The following EPS8 variants were observed in gnomAD, a reference collection of about 807,000 sequenced individuals.
EPS8 encodes the protein EGFR pathway substrate 8, signaling adaptor, also known as epidermal growth factor receptor kinase substrate 8.
A neutral mutation model predicts 103.8 loss-of-function variants in EPS8; 42 were observed. The ratio of observed to expected loss-of-function variants is 0.40; its 90% confidence interval spans 0.32 to 0.52. The LOEUF is 0.52. Ranked by LOEUF, EPS8 falls within the 20% of genes least tolerant of loss-of-function variation. EPS8 has a pLI of 0.40. For synonymous variants in EPS8, 344 were observed against 344.6 expected (o/e 1.00, Z 0.02); for missense variants, 969 against 1,005.1 (o/e 0.96, Z 0.49).
rs977972057 is a variant in EPS8 at position 15,696,539 on chromosome 12, G to A, written c.-21-13567C>T. Among the ~76,000 whole-genome samples, 5 of 152,094 alleles carry A rather than the reference G, an allele frequency of 3.3e-5. No individual in the cohort carries two copies. The highest frequency in any genetic ancestry group is 1.2e-4 in the African/African-American group (5 of 41,420). ...ACCTGTAATCCCAGCTACTCGGGAG[G>A]CTAAGGCAGAAGAATTGCTTGAACC... On this transcript the variant is annotated intron_variant, in intron 1 of 20. Coordinates refer to ENST00000281172, the MANE Select transcript of EPS8 (RefSeq NM_004447.6). The surrounding 1 kb of genome is among the most constrained non-coding windows in gnomAD (Gnocchi z 4.8).
chr12:15,637,855 C>A (rs1945163499), intron 17 of EPS8, among the ~76,000 whole-genome samples: 1 of 152,162 alleles, frequency 6.6e-6, no homozygotes, highest in South Asian at 2.1e-4. Context: ...GGCAGATGAC[C>A]TGTGGACTCA....
rs1411944800 is a variant in EPS8, at chr12:15,769,742, G to C, written c.-22+19419C>G. On this transcript the variant is annotated intron_variant, in intron 1 of 20. Transcript: ENST00000281172. The surrounding 1 kb of genome is among the most constrained non-coding windows in gnomAD (Gnocchi z 4.6). ...ATTTTCAGTCTTTTGTCTAACACTAGCATTCACGAGAATCTGATCACAGAG... is the reference window on the plus strand; with the variant it reads ...ATTTTCAGTCTTTTGTCTAACACTACCATTCACGAGAATCTGATCACAGAG... 6.6e-6 allele frequency among the ~76,000 whole-genome samples: 1 copy of C among 152,006 alleles called. No individual in the cohort carries two copies. The highest frequency in any genetic ancestry group is 1.5e-5 in the Non-Finnish European group (1 of 68,014).
chr12:15,732,788 G>A (rs1402264225), intron 1 of EPS8: 23 of 981,076 alleles, frequency 2.3e-5, no homozygotes, highest in Non-Finnish European at 2.8e-5. Flanking sequence ...AGTGGCCACA[G>A]GAGAATAAAA....
chr12:15,671,472 T>C (rs1401273975), intron 3 of EPS8, among the ~76,000 whole-genome samples: 2 of 152,082 alleles, frequency 1.3e-5, no homozygotes, highest in African/African-American at 4.8e-5. Flanking sequence ...TTAACAGTTT[T>C]CACACATCTA....
chr12:15,673,731 AAAT>A (rs1945856099), intron 3 of EPS8, among the ~76,000 whole-genome samples: 2 of 152,302 alleles, frequency 1.3e-5, no homozygotes, highest in African/African-American at 4.8e-5. Context: ...ATGGTATATT[AAAT>A]AATAAATTCA....
At chr12:15,628,623 T>G (rs2135722692) in intron 18 of EPS8, among the ~76,000 whole-genome samples, 1 of 152,330 alleles carries the variant, frequency 6.6e-6, no homozygotes, top group African/African-American at 2.4e-5. Flanking sequence ...ACACAAGGCT[T>G]CACAGTTATT....
chr12:15,769,816 A>T lies in EPS8; in HGVS notation c.-22+19345T>A, dbSNP rs572012578. Among the ~76,000 whole-genome samples the T allele has an allele frequency of 6.6e-6, 1 of 152,168 alleles. No homozygotes were observed. Among genetic ancestry groups the T allele is most frequent in the African/African-American group, 2.4e-5 (1 of 41,444 alleles). Reference sequence around the variant, plus strand: ...AAAATTTCCTGAACTTTCTGACCAAAGTCATGTTTTATTATTTCTCAGATG... The same window carrying T: ...AAAATTTCCTGAACTTTCTGACCAATGTCATGTTTTATTATTTCTCAGATG... On this transcript the variant is annotated intron_variant, in intron 1 of 20. Coordinates refer to ENST00000281172, the MANE Select transcript of EPS8 (RefSeq NM_004447.6). This position sits in a 1 kb window ranked among gnomAD's most constrained non-coding sequence, Gnocchi z 4.6.
In EPS8 at chr12:15,650,754, A is replaced by G. The variant is rs138356457; in HGVS notation, c.1434+69T>C. ...CAGTTGAATAAAATGAGAACTTGCAATCAGAATTACAAGAGAATACACAGA... is the reference window on the plus strand; with the variant it reads ...CAGTTGAATAAAATGAGAACTTGCAGTCAGAATTACAAGAGAATACACAGA... On this transcript the variant is annotated intron_variant, in intron 14 of 20. Coordinates refer to ENST00000281172, the MANE Select transcript of EPS8 (RefSeq NM_004447.6). 4.6e-6 allele frequency: 6 copies of G among 1,290,396 alleles called. No homozygotes were observed. The African/African-American group carries it at 8.9e-5, about 19-fold the overall frequency. The allele number at this position is 1,290,396 out of a possible 1,614,324, so 79.9% of individuals were successfully genotyped here.
chr12:15,727,637 A>T lies in EPS8; in HGVS notation c.-21-44665T>A, dbSNP rs1312964033. ...CACCTTGGGAGGCCGAGGTGGGCGG[A>T]TCACGAGGTCAGGAGTTCGAGACCA... On this transcript the variant is annotated intron_variant, in intron 1 of 20. Transcript: ENST00000281172. This position sits in a 1 kb window ranked among gnomAD's most constrained non-coding sequence, Gnocchi z 4.3. Among the ~76,000 whole-genome samples the T allele has an allele frequency of 6.6e-6, 1 of 152,198 alleles. No homozygotes were observed. The highest frequency in any genetic ancestry group is 1.5e-5 in the Non-Finnish European group (1 of 68,036).
At chr12:15,755,938 A>G (rs925280949) in intron 1 of EPS8, among the ~76,000 whole-genome samples, 6 of 152,080 alleles carry the variant, frequency 3.9e-5, no homozygotes, top group African/African-American at 1.4e-4. Flanking sequence ...TCCAGAACTG[A>G]TTTGTATTTT....
chr12:15,689,893 G>C (rs1356555023), intron 1 of EPS8, among the ~76,000 whole-genome samples: 1 of 152,194 alleles, frequency 6.6e-6, no homozygotes, highest in African/African-American at 2.4e-5. Context: ...GGTGGACCAG[G>C]AGAAGAGAAA....
intron 1 of EPS8, among the ~76,000 whole-genome samples, chr12:15,720,370 C>T (rs550980223): frequency 2.0e-5 from 3 of 152,064 alleles, no homozygotes; most frequent in Non-Finnish European, 4.4e-5. Flanking sequence ...CTAGGCTACA[C>T]TTGAACCCCT....
chr12:15,635,511 C>T lies in EPS8; in HGVS notation c.1822-3847G>A, dbSNP rs142401483. ...GAATATAAGCCATCTTTGGTAAAAT[C>T]GTCACTCTATCCAGCAGTAGCTAAA... On this transcript the variant is annotated intron_variant, in intron 17 of 20. Transcript: ENST00000281172. Among the ~76,000 whole-genome samples the T allele has an allele frequency of 9.0e-4, 137 of 152,226 alleles. 1 individual carries two copies. Among genetic ancestry groups the T allele is most frequent in the East Asian group, 3.9e-3 (20 of 5,174 alleles).
chr12:15,782,389 T>C lies in EPS8; in HGVS notation c.-22+6772A>G, dbSNP rs572450306. On this transcript the variant is annotated intron_variant, in intron 1 of 20. Coordinates refer to ENST00000281172, the MANE Select transcript of EPS8 (RefSeq NM_004447.6). The stretch of plus-strand genomic sequence containing the variant: ...GGTGATACATGCCTATGGTTCCAGC[T>C]ATTCAGAAGGCTGAATGGGGAGGAT... 2.0e-5 allele frequency among the ~76,000 whole-genome samples: 3 copies of C among 152,232 alleles called. No homozygotes were observed. The South Asian group carries it at 6.2e-4, about 32-fold the overall frequency.
chr12:15,726,321 C>T (rs1478396833), intron 1 of EPS8, among the ~76,000 whole-genome samples: 1 of 151,778 alleles, frequency 6.6e-6, no homozygotes, highest in Non-Finnish European at 1.5e-5. Flanking sequence ...ACGGAGGGGG[C>T]TGGAAATCTC....
intron 1 of EPS8, among the ~76,000 whole-genome samples, chr12:15,739,571 C>T (rs958189873): frequency 2.0e-5 from 3 of 152,138 alleles, no homozygotes; most frequent in African/African-American, 4.8e-5. Flanking sequence ...CTTCTCCCGA[C>T]CTTGGATGTT....
chr12:15,666,545 T>C, intron 6 of EPS8, 23 bp from the exon 7 acceptor site: 2 of 1,564,076 alleles, frequency 1.3e-6, no homozygotes, highest in Non-Finnish European at 1.8e-6. Flanking sequence ...ACAAGTTACC[T>C]GAAAGTTTAT....
chr12:15,754,194 G>C (rs1480012682), intron 1 of EPS8, among the ~76,000 whole-genome samples: 3 of 151,340 alleles, frequency 2.0e-5, no homozygotes, highest in Non-Finnish European at 4.4e-5. Flanking sequence ...GTCACACTAA[G>C]TGTTGGCCTG....
In EPS8 at chr12:15,778,069, AT is replaced by A. The variant is rs1565540480; in HGVS notation, c.-22+11091del. Among the ~76,000 whole-genome samples the A allele has an allele frequency of 6.6e-6, 1 of 152,228 alleles. No homozygotes were observed. Among genetic ancestry groups the A allele is most frequent in the African/African-American group, 2.4e-5 (1 of 41,460 alleles). ...TAGCAAACATACAAATATACAAAAA[AT>A]ATAGACCTTATTCCTAAATTTAAAG... On this transcript the variant is annotated intron_variant, in intron 1 of 20. Coordinates refer to ENST00000281172, the MANE Select transcript of EPS8 (RefSeq NM_004447.6). This position sits in a 1 kb window ranked among gnomAD's most constrained non-coding sequence, Gnocchi z 4.5.
Sources: gnomAD v4.1 joint callset for allele counts (sites outside exome capture counted in the v4.1 genomes callset) on GRCh38, gnomAD v4.1.1 for gene constraint, Gnocchi (gnomAD v3.1) non-coding constraint, MANE v1.5 for transcripts, NCBI Gene and HGNC (gene_info 2026-07-23, HGNC 2026-07-21) for gene names.